The following GABRG3 variants were observed in gnomAD, a reference collection of about 807,000 sequenced individuals.
GABRG3 encodes the protein gamma-aminobutyric acid receptor subunit gamma-3.
A neutral mutation model predicts 48.8 loss-of-function variants in GABRG3; 25 were observed. That is an observed-to-expected ratio of 0.51 (90% confidence interval 0.37 to 0.72). The LOEUF (loss-of-function observed/expected upper bound fraction) is 0.72. GABRG3 is among the 30% of genes least tolerant of loss of function. GABRG3 has a pLI of 0.00. For synonymous variants in GABRG3, 227 were observed against 217.6 expected (o/e 1.04, Z -0.38); for missense variants, 394 against 577.9 (o/e 0.68, Z 3.26).
At chr15:27,282,813 C>G (rs1891479498) in intron 3 of GABRG3, among the ~76,000 whole-genome samples, 1 of 152,076 alleles carries the variant, frequency 6.6e-6, no homozygotes, top group South Asian at 2.1e-4. Context: ...TCAATTTTAT[C>G]CTGAGTATTA....
At chr15:27,308,956 T>C (rs1283556590) in intron 3 of GABRG3, among the ~76,000 whole-genome samples, 1 of 150,628 alleles carries the variant, frequency 6.6e-6, no homozygotes, top group Non-Finnish European at 1.5e-5. Flanking sequence ...AACATGTTTA[T>C]ATGAAAACAC....
chr15:27,540,000 C>T lies in GABRG3; in HGVS notation c.*7119C>T, dbSNP rs537483248. On this transcript the variant is annotated 3_prime_UTR_variant, in exon 10 of 10. Transcript: ENST00000615808. ...CTCATTGTCCTCTTCCATGTTTCTA[C>T]TAGTACTCAGCTATTGATTCAACAC... The T allele has an allele frequency of 1.3e-5, 2 of 152,314 alleles. No individual in the cohort carries two copies. The highest frequency in any genetic ancestry group is 4.8e-5 in the African/African-American group (2 of 41,552). The allele number at this position is 152,314 out of a possible 1,614,324, so 9.4% of individuals were successfully genotyped here. A position where few individuals can be genotyped will look rare whatever the true frequency, so the allele number is the denominator to read the frequency against.
intron 6 of GABRG3, among the ~76,000 whole-genome samples, chr15:27,500,952 G>GTTTTTTTTTT (rs61305255): frequency 8.2e-6 from 1 of 122,190 alleles, no homozygotes; most frequent in African/African-American, 3.2e-5. Flanking sequence ...AGTAACGTAT[G>GTTTTTTTTTT]TTTTTTTTTT....
chr15:27,423,242 TAAAAAAAAAAAA>T (rs58007397), intron 5 of GABRG3, among the ~76,000 whole-genome samples: 44 of 74,750 alleles, frequency 5.9e-4, no homozygotes, highest in African/African-American at 2.1e-3. Context: ...GTCATTATGA[TAAAAAAAAAAAA>T]AAAAAAAAAA....
chr15:27,169,752 A>G (rs1887502773), intron 3 of GABRG3, among the ~76,000 whole-genome samples: 1 of 152,156 alleles, frequency 6.6e-6, no homozygotes, highest in Non-Finnish European at 1.5e-5. Context: ...AGTTCTTGAA[A>G]ACTGGGAAAA....
intron 5 of GABRG3, among the ~76,000 whole-genome samples, chr15:27,477,373 A>G (rs1889971290): frequency 6.6e-6 from 1 of 152,198 alleles, no homozygotes; most frequent in South Asian, 2.1e-4. Flanking sequence ...AGAAAAGAAA[A>G]ACCATGGAGA....
At chr15:27,305,262 A>G (rs1440010209) in intron 3 of GABRG3, among the ~76,000 whole-genome samples, 1 of 151,686 alleles carries the variant, frequency 6.6e-6, no homozygotes. Context: ...ATTTTAAAAC[A>G]TCATTTAAAA....
intron 3 of GABRG3, among the ~76,000 whole-genome samples, chr15:27,068,775 T>G (rs67496443): frequency 0.21 from 31,891 of 152,154 alleles, 3,489 homozygotes; most frequent in Middle Eastern, 0.27. Context: ...AAGACTGAAG[T>G]GGGTGAGTTG....
intron 3 of GABRG3, among the ~76,000 whole-genome samples, chr15:27,324,663 C>G (rs894720877): frequency 6.6e-6 from 1 of 152,148 alleles, no homozygotes; most frequent in Non-Finnish European, 1.5e-5. Flanking sequence ...CTTGTGGTTC[C>G]TTTGGCAGAA....
intron 2 of GABRG3, among the ~76,000 whole-genome samples, chr15:26,979,056 G>C (rs1895003956): frequency 6.6e-6 from 1 of 152,138 alleles, no homozygotes; most frequent in Non-Finnish European, 1.5e-5. Context: ...TATTTTGTTA[G>C]ATTTATGACT....
intron 3 of GABRG3, among the ~76,000 whole-genome samples, chr15:27,087,747 GTGC>G (rs1334133305): frequency 1.3e-5 from 2 of 152,038 alleles, no homozygotes; most frequent in Non-Finnish European, 2.9e-5. Flanking sequence ...TGTGTCTGGT[GTGC>G]TGTAGTGTGT....
intron 5 of GABRG3, among the ~76,000 whole-genome samples, chr15:27,416,481 A>G (rs1156931894): frequency 2.0e-5 from 3 of 152,216 alleles, no homozygotes; most frequent in African/African-American, 7.2e-5. Context: ...ATGCTGTGGC[A>G]TATTTCAAAA....
At chr15:27,128,018 T>C (rs964646948) in intron 3 of GABRG3, among the ~76,000 whole-genome samples, 10 of 152,168 alleles carry the variant, frequency 6.6e-5, no homozygotes, top group African/African-American at 1.9e-4. Context: ...TGGAAGGCGA[T>C]AAAATGGACA....
At chr15:27,403,772 C>T (rs1344931083) in intron 5 of GABRG3, among the ~76,000 whole-genome samples, 2 of 148,934 alleles carry the variant, frequency 1.3e-5, no homozygotes, top group African/African-American at 2.5e-5. Context: ...ATTAGCTGGG[C>T]GTGGTAGTGC....
At chr15:27,299,403 A>AAATTG (rs1892117931) in intron 3 of GABRG3, among the ~76,000 whole-genome samples, 1 of 152,208 alleles carries the variant, frequency 6.6e-6, no homozygotes. Context: ...AGAACACCAG[A>AAATTG]AATTGAAGTA....
intron 3 of GABRG3, among the ~76,000 whole-genome samples, chr15:27,056,035 C>A (rs958912552): frequency 6.6e-6 from 1 of 151,986 alleles, no homozygotes; most frequent in Non-Finnish European, 1.5e-5. Context: ...GGAGAAAAAT[C>A]ACAAATAGTC....
In GABRG3 at chr15:27,319,282, A is replaced by G. The variant is rs530518338; in HGVS notation, c.271-7527A>G. Among the ~76,000 whole-genome samples, 47 of 152,264 alleles carry G rather than the reference A, an allele frequency of 3.1e-4. No homozygotes were observed. Among genetic ancestry groups the G allele is most frequent in the Admixed American group, 1.8e-3 (28 of 15,300 alleles). On this transcript the variant is annotated intron_variant, in intron 3 of 9. Coordinates refer to ENST00000615808, the MANE Select transcript of GABRG3 (RefSeq NM_033223.5). The surrounding 1 kb of genome is among the most constrained non-coding windows in gnomAD (Gnocchi z 4.4). ...AGCCTCGGTCACTGCTCTCTTGATG[A>G]TGTGGATGGGTGGCTCTTCTTAGTT...
chr15:27,378,936 T>C (rs1380123120), intron 5 of GABRG3, among the ~76,000 whole-genome samples: 1 of 121,796 alleles, frequency 8.2e-6, no homozygotes, highest in Non-Finnish European at 1.6e-5. Context: ...GAACAAATCA[T>C]GTTGTATGTG....
chr15:26,981,923 G>T (rs188054736), intron 2 of GABRG3, among the ~76,000 whole-genome samples: 1 of 152,326 alleles, frequency 6.6e-6, no homozygotes, highest in East Asian at 1.9e-4. Flanking sequence ...TGTGTGTAGT[G>T]TGGGAGACTT....
Sources: gnomAD v4.1 joint callset for allele counts (sites outside exome capture counted in the v4.1 genomes callset) on GRCh38, gnomAD v4.1.1 for gene constraint, Gnocchi (gnomAD v3.1) non-coding constraint, MANE v1.5 for transcripts, NCBI Gene and HGNC (gene_info 2026-07-23, HGNC 2026-07-21) for gene names.